The following KCNMA1 variants were observed in gnomAD, a reference collection of about 807,000 sequenced individuals.
The protein encoded by KCNMA1 is potassium calcium-activated channel subfamily M alpha 1, also known as Calcium-activated potassium channel subunit alpha-1.
A neutral mutation model predicts 140.0 loss-of-function variants in KCNMA1; 29 were observed. That is an observed-to-expected ratio of 0.21 (90% CI 0.15 to 0.28). The LOEUF is 0.28. Ranked by LOEUF, KCNMA1 falls within the 10% of genes least tolerant of loss-of-function variation. The pLI, the probability that KCNMA1 is intolerant of heterozygous loss-of-function variation, is 1.00. For missense variants in KCNMA1, 880 were observed against 1,602.2 expected (o/e 0.55, Z 7.70); for synonymous variants, 612 against 611.9 (o/e 1.00, Z 0.00).
intron 14 of KCNMA1, among the ~76,000 whole-genome samples, chr10:77,040,911 CAAGTTT>C (rs1256537430): frequency 6.6e-6 from 1 of 152,142 alleles, no homozygotes; most frequent in East Asian, 1.9e-4. Flanking sequence ...TCTAAGTAGT[CAAGTTT>C]AGCTGGTTTT....
chr10:77,042,041 A>G (rs2247557), intron 14 of KCNMA1, among the ~76,000 whole-genome samples: 134,119 of 152,186 alleles, frequency 0.88, 59,410 homozygotes, highest in Middle Eastern at 0.93. Context: ...CAGTCTGGGC[A>G]ATTAGATTAT....
At chr10:77,506,596 A>AGAGAGAGAGAGAGAGAGTGT in intron 1 of KCNMA1, among the ~76,000 whole-genome samples, 3 of 83,530 alleles carry the variant, frequency 3.6e-5, no homozygotes, top group Admixed American at 1.2e-4. Flanking sequence ...AGAGAGAGAG[A>AGAGAGAGAGAGAGAGAGTGT]GTGTGTGTGT....
chr10:77,506,596 A>AGAGAGAGT, intron 1 of KCNMA1, among the ~76,000 whole-genome samples: 18 of 83,554 alleles, frequency 2.2e-4, no homozygotes, highest in African/African-American at 5.2e-4. Flanking sequence ...AGAGAGAGAG[A>AGAGAGAGT]GTGTGTGTGT....
chr10:77,342,232 A>G lies in KCNMA1; in HGVS notation c.540+61630T>C, dbSNP rs372626306. Reference sequence around the variant, plus strand: ...CAATAACAACAGCAATAATAACAGCAACAGCAAAATAATATTAAGATAATT... The same window carrying G: ...CAATAACAACAGCAATAATAACAGCGACAGCAAAATAATATTAAGATAATT... On this transcript the variant is annotated intron_variant, in intron 2 of 27. Transcript: ENST00000286628. 5.6e-4 allele frequency among the ~76,000 whole-genome samples: 86 copies of G among 152,362 alleles called. 1 individual carries two copies. The South Asian group carries it at 0.013, about 23-fold the overall frequency.
At chr10:77,189,902 C>T (rs1020562020) in intron 3 of KCNMA1, among the ~76,000 whole-genome samples, 4 of 152,320 alleles carry the variant, frequency 2.6e-5, no homozygotes, top group Middle Eastern at 3.4e-3. Context: ...TCCACCATCA[C>T]GGTCCCTGCC....
chr10:77,402,002 G>A (rs1337480214), intron 2 of KCNMA1, among the ~76,000 whole-genome samples: 1 of 152,216 alleles, frequency 6.6e-6, no homozygotes, highest in Non-Finnish European at 1.5e-5. Flanking sequence ...TTAGTGTTCA[G>A]TAACTCTTGC....
chr10:77,446,809 C>A (rs1221206311), intron 1 of KCNMA1, among the ~76,000 whole-genome samples: 2 of 152,254 alleles, frequency 1.3e-5, no homozygotes, highest in Non-Finnish European at 2.9e-5. Flanking sequence ...AGCCTCTCTG[C>A]CCAGGCGTCC....
At chr10:77,564,706 A>G (rs1047188209) in intron 1 of KCNMA1, among the ~76,000 whole-genome samples, 2 of 152,194 alleles carry the variant, frequency 1.3e-5, no homozygotes, top group African/African-American at 4.8e-5. Flanking sequence ...TCCTCCTGGC[A>G]TCTAGGTGAA....
At chr10:77,538,004 C>T (rs946247022) in intron 1 of KCNMA1, among the ~76,000 whole-genome samples, 10 of 151,808 alleles carry the variant, frequency 6.6e-5, no homozygotes, top group Admixed American at 1.3e-4. Flanking sequence ...CACATACTCT[C>T]ACATTCGTAT....
At position 76,987,386 on chromosome 10, in the gene KCNMA1, C is replaced by A. The variant is rs115434902; in HGVS notation, c.2266+14021G>T. ...AGAAGGCTTCACAGAGATGGCAGTA[C>A]TTGAGCTGTACCTTCACAGCAGAGG... On this transcript the variant is annotated intron_variant, in intron 19 of 27. Transcript: ENST00000286628. Among the ~76,000 whole-genome samples, 898 of 152,270 alleles carry A rather than the reference C, an allele frequency of 5.9e-3. 7 individuals are homozygous for A. Among genetic ancestry groups the A allele is most frequent in the African/African-American group, 0.02 (847 of 41,552 alleles).
chr10:77,333,658 A>G (rs1369937456), intron 2 of KCNMA1, among the ~76,000 whole-genome samples: 1 of 152,224 alleles, frequency 6.6e-6, no homozygotes, highest in Non-Finnish European at 1.5e-5. Context: ...TTGCTTGTGG[A>G]ACCCATATTC....
intron 2 of KCNMA1, chr10:77,309,337 C>G (rs1307266660): frequency 6.6e-6 from 1 of 152,196 alleles, no homozygotes; most frequent in Non-Finnish European, 1.5e-5. Flanking sequence ...TCGAGGCTGG[C>G]CAGCATCTCC....
At position 76,886,686 on chromosome 10, in the gene KCNMA1, A is replaced by G. The variant is rs202181337; in HGVS notation, c.*580T>C. 9 of 995,596 alleles carry G rather than the reference A, an allele frequency of 9.0e-6. No individual in the cohort carries two copies. Among genetic ancestry groups the G allele is most frequent in the Non-Finnish European group, 1.1e-5 (9 of 835,742 alleles). 61.7% of individuals were successfully genotyped at this position (995,596 alleles called of 1,614,324 possible). On this transcript the variant is annotated 3_prime_UTR_variant, in exon 28 of 28. Coordinates refer to ENST00000286628, the MANE Select transcript of KCNMA1 (RefSeq NM_001161352.2). ...CTCTTGCAACAAGCAGGTCCTTCAT[A>G]ATCATCTACACAAATCGTGAAAGCT...
At chr10:77,458,542 T>A (rs1244770654) in intron 1 of KCNMA1, among the ~76,000 whole-genome samples, 1 of 152,238 alleles carries the variant, frequency 6.6e-6, no homozygotes, top group Non-Finnish European at 1.5e-5. Context: ...GAGATTTCAG[T>A]GCAAATTTAA....
At position 76,886,906 on chromosome 10, in the gene KCNMA1, T is replaced by C; in HGVS notation, c.*360A>G. 8.9e-7 allele frequency: 1 copy of C among 1,127,806 alleles called. No homozygotes were observed. The highest frequency in any genetic ancestry group is 2.2e-5 in the South Asian group (1 of 45,104). 69.9% of individuals were successfully genotyped at this position (1,127,806 alleles called of 1,614,324 possible). On this transcript the variant is annotated 3_prime_UTR_variant, in exon 28 of 28. Transcript: ENST00000286628. ...TAATCCTGATAAATCAGAATCAACT[T>C]TTCTTTTACATTAAATAAACTTGCT...
chr10:77,264,043 C>T (rs747632461), intron 2 of KCNMA1, among the ~76,000 whole-genome samples: 3 of 152,176 alleles, frequency 2.0e-5, no homozygotes, highest in African/African-American at 2.4e-5. Context: ...GAAAGTTTCA[C>T]AAGATAGCAT....
chr10:77,011,382 A>G (rs1378342239), intron 18 of KCNMA1, among the ~76,000 whole-genome samples: 6 of 152,136 alleles, frequency 3.9e-5, no homozygotes, highest in Non-Finnish European at 8.8e-5. Context: ...TACCCCAAAG[A>G]GCGATGATGC....
chr10:77,273,898 G>A (rs1565647926), intron 2 of KCNMA1, among the ~76,000 whole-genome samples: 1 of 152,106 alleles, frequency 6.6e-6, no homozygotes, highest in Non-Finnish European at 1.5e-5. Context: ...AGTGGGGAAG[G>A]CACCACTTCT....
At chr10:77,299,698 C>T (rs184629800) in intron 2 of KCNMA1, among the ~76,000 whole-genome samples, 148 of 152,234 alleles carry the variant, frequency 9.7e-4, no homozygotes, top group African/African-American at 3.2e-3. Flanking sequence ...ACAAGAAGAC[C>T]GAGGGTCTGG....
Sources: allele counts gnomAD v4.1 joint callset (sites outside exome capture counted in the v4.1 genomes callset), GRCh38; gene constraint gnomAD v4.1.1; transcripts MANE v1.5; gene names NCBI Gene and HGNC (gene_info 2026-07-23, HGNC 2026-07-21).